The following SYN3 variants were observed in gnomAD, a reference collection of about 807,000 sequenced individuals.
SYN3 encodes synapsin III, also known as synapsin-3.
In SYN3, 35 loss-of-function variants were observed where a neutral mutation model predicts 65.8. The observed-to-expected ratio is 0.53, with a 90% CI of 0.41 to 0.70. The LOEUF is 0.70. Among genes scored for constraint, SYN3 ranks in the 30% least tolerant of loss-of-function variants. The probability of loss-of-function intolerance (pLI) is 0.00; values close to 1 mark genes in which losing one functional copy is unlikely to be tolerated. For missense variants in SYN3, 680 were observed against 749.0 expected, an observed-to-expected ratio of 0.91 and a Z score of 1.08; for synonymous variants, 270 against 292.9, an observed-to-expected ratio of 0.92 and a Z score of 0.80.
intron 6 of SYN3, among the ~76,000 whole-genome samples, chr22:32,614,280 G>C (rs571312188): frequency 6.6e-6 from 1 of 152,192 alleles, no homozygotes; most frequent in Non-Finnish European, 1.5e-5. Flanking sequence ...ATGGGCTACC[G>C]GTGTGCCATG....
At chr22:32,650,620 C>T (rs1332587068) in intron 6 of SYN3, among the ~76,000 whole-genome samples, 2 of 152,042 alleles carry the variant, frequency 1.3e-5, no homozygotes, top group African/African-American at 4.8e-5. Flanking sequence ...GAATATGCTC[C>T]TACTCTTTCC....
chr22:32,570,876 G>T (rs2058750428), intron 7 of SYN3, among the ~76,000 whole-genome samples: 1 of 152,060 alleles, frequency 6.6e-6, no homozygotes, highest in South Asian at 2.1e-4. Flanking sequence ...ATGATTTAGG[G>T]GGGACACAAA....
chr22:32,626,373 C>T (rs1476116118), intron 6 of SYN3, among the ~76,000 whole-genome samples: 1 of 152,166 alleles, frequency 6.6e-6, no homozygotes, highest in African/African-American at 2.4e-5. Context: ...GATGTGGGAC[C>T]TAAGGTGGCA....
At chr22:32,671,540 C>T (rs946401912) in intron 6 of SYN3, among the ~76,000 whole-genome samples, 1 of 151,018 alleles carries the variant, frequency 6.6e-6, no homozygotes, top group Non-Finnish European at 1.5e-5. Flanking sequence ...CACACGCTCT[C>T]ACGCAGGTGC....
At chr22:32,737,566 C>G (rs971118239) in intron 6 of SYN3, among the ~76,000 whole-genome samples, 2 of 151,800 alleles carry the variant, frequency 1.3e-5, no homozygotes, top group Admixed American at 6.6e-5. Context: ...ACATGAGGTG[C>G]TTGGTTTTTT....
At chr22:32,838,695 G>T (rs1385793132) in intron 6 of SYN3, among the ~76,000 whole-genome samples, 1 of 151,972 alleles carries the variant, frequency 6.6e-6, no homozygotes, top group Non-Finnish European at 1.5e-5. Flanking sequence ...CCTTTTCTGA[G>T]TAACTCTATG....
At chr22:32,526,421 C>T (rs942883264) in intron 12 of SYN3, among the ~76,000 whole-genome samples, 3 of 151,974 alleles carry the variant, frequency 2.0e-5, no homozygotes, top group African/African-American at 4.8e-5. Flanking sequence ...CTTTTTTTCA[C>T]AAAGTAATGA....
chr22:32,747,445 A>G (rs369396979), intron 6 of SYN3, among the ~76,000 whole-genome samples: 12 of 152,264 alleles, frequency 7.9e-5, no homozygotes, highest in Admixed American at 3.3e-4. Context: ...AATTACCACA[A>G]TTGGGGCTGC....
chr22:32,533,902 G>C lies in SYN3; in HGVS notation c.993-7C>G, dbSNP rs1436886897. The C allele has an allele frequency of 6.2e-7, 1 of 1,601,422 alleles. No individual in the cohort carries two copies. The highest frequency in any genetic ancestry group is 1.3e-5 in the African/African-American group (1 of 74,716). ...GTCCACCCACAGCCTGTACCTGCAG[G>C]GACAGATGGACAGACAGTGAAGTGG... On this transcript the variant is annotated splice_polypyrimidine_tract_variant and splice_region_variant and intron_variant, in intron 9 of 13. Transcript: ENST00000358763.
rs913988162 is a variant in SYN3 at position 32,672,520 on chromosome 22, G to A, written c.712-75784C>T. Among the ~76,000 whole-genome samples, 25 of 152,304 alleles carry A rather than the reference G, an allele frequency of 1.6e-4. No homozygotes were observed. The East Asian group carries it at 4.6e-3, about 28-fold the overall frequency. On this transcript the variant is annotated intron_variant, in intron 6 of 13. Coordinates refer to ENST00000358763, the MANE Select transcript of SYN3 (RefSeq NM_003490.4). ...AGGCGTCTTCTCCCCTAGGGCAGGC[G>A]TGTGCTTCCAATGTTCCTGCTGCTT...
Position 33,046,674 on chromosome 22 carries a change from T to C in SYN3, c.-163+11618A>G, listed in dbSNP as rs556459650. On this transcript the variant is annotated intron_variant, in intron 1 of 13. Transcript: ENST00000358763. Reference sequence around the variant, plus strand: ...TGGCCAACATGGTAAAACCCTGTCTTTACTAAAAATACAAACAAATTAGCT... The same window carrying C: ...TGGCCAACATGGTAAAACCCTGTCTCTACTAAAAATACAAACAAATTAGCT... 6.1e-4 allele frequency among the ~76,000 whole-genome samples: 92 copies of C among 151,510 alleles called. 1 individual carries two copies. The Middle Eastern group carries it at 0.014, about 22-fold the overall frequency.
chr22:33,017,143 A>G (rs1448051763), intron 1 of SYN3, among the ~76,000 whole-genome samples: 2 of 152,184 alleles, frequency 1.3e-5, no homozygotes, highest in Non-Finnish European at 2.9e-5. Flanking sequence ...AATTTTCCCA[A>G]CATCACTTAT....
At chr22:32,960,107 T>C (rs1001538919) in intron 3 of SYN3, among the ~76,000 whole-genome samples, 1 of 152,234 alleles carries the variant, frequency 6.6e-6, no homozygotes, top group Non-Finnish European at 1.5e-5. Context: ...TCTTTCATTG[T>C]CTGTATTCTG....
chr22:33,048,284 G>A (rs1306798868), intron 1 of SYN3, among the ~76,000 whole-genome samples: 2 of 151,976 alleles, frequency 1.3e-5, no homozygotes, highest in South Asian at 2.1e-4. Flanking sequence ...AACTATTAAC[G>A]TGATATAATT....
intron 6 of SYN3, among the ~76,000 whole-genome samples, chr22:32,675,676 T>TAAAGGTATCTCAGATGATACTG (rs2060430095): frequency 9.9e-5 from 15 of 152,268 alleles, no homozygotes; most frequent in South Asian, 2.1e-4. Flanking sequence ...AAATCAAAGG[T>TAAAGGTATCTCAGATGATACTG]GCCACTTTTC....
At chr22:32,741,486 G>T (rs556302131) in intron 6 of SYN3, among the ~76,000 whole-genome samples, 399 of 151,164 alleles carry the variant, frequency 2.6e-3, no homozygotes, top group African/African-American at 9.4e-3. Flanking sequence ...CTCCTGAGTA[G>T]CTGGGACTAC....
chr22:32,526,638 C>G (rs142048282), intron 12 of SYN3, among the ~76,000 whole-genome samples: 2,258 of 152,234 alleles, frequency 0.015, 57 homozygotes, highest in African/African-American at 0.052. Flanking sequence ...GCCTCAGCCT[C>G]CCGAGTAGCT....
intron 2 of SYN3, among the ~76,000 whole-genome samples, chr22:32,995,205 T>C (rs1184510896): frequency 6.6e-6 from 1 of 152,138 alleles, no homozygotes; most frequent in African/African-American, 2.4e-5. Flanking sequence ...GTTTGGCTCT[T>C]CCCAGCCAGA....
chr22:32,820,904 TCA>T (rs2047228196), intron 6 of SYN3, among the ~76,000 whole-genome samples: 1 of 152,218 alleles, frequency 6.6e-6, no homozygotes, highest in African/African-American at 2.4e-5. Context: ...ATTAATTCTC[TCA>T]CTGCTTATTT....
Sources: allele counts gnomAD v4.1 joint callset (sites outside exome capture counted in the v4.1 genomes callset), GRCh38; gene constraint gnomAD v4.1.1; transcripts MANE v1.5; gene names NCBI Gene and HGNC (gene_info 2026-07-23, HGNC 2026-07-21).